The following RARB variants were observed in gnomAD, a reference collection of about 807,000 sequenced individuals.
RARB encodes retinoic acid receptor beta.
Under a neutral mutation model 51.9 loss-of-function variants are expected in RARB, and 17 were observed. That is an observed-to-expected ratio of 0.33 (90% CI 0.22 to 0.49). The LOEUF (loss-of-function observed/expected upper bound fraction) is 0.49, where lower values mean the gene tolerates loss of function less well. Among genes scored for constraint, RARB ranks in the 20% least tolerant of loss-of-function variants. The pLI, the probability that RARB is intolerant of heterozygous loss-of-function variation, is 0.99. For synonymous variants in RARB, 215 were observed against 195.4 expected (o/e 1.10, Z -0.84); for missense variants, 369 against 550.8 (o/e 0.67, Z 3.30).
At chr3:24,927,440 A>G (rs1375795033) in intron 2 of RARB, among the ~76,000 whole-genome samples, 4 of 152,084 alleles carry the variant, frequency 2.6e-5, no homozygotes, top group South Asian at 2.1e-4. Flanking sequence ...CTGCACGGCA[A>G]TGGAATGCAG....
At chr3:25,559,509 T>G (rs778603136) in intron 3 of RARB, among the ~76,000 whole-genome samples, 5 of 152,232 alleles carry the variant, frequency 3.3e-5, no homozygotes, top group African/African-American at 4.8e-5. Flanking sequence ...AGTTATTTCT[T>G]TAGATGACTG....
intron 3 of RARB, among the ~76,000 whole-genome samples, chr3:25,524,353 A>C (rs779434672): frequency 6.6e-6 from 1 of 152,198 alleles, no homozygotes; most frequent in Admixed American, 6.5e-5. Context: ...GTACTTTTAC[A>C]GTCAAGGTCA....
intron 3 of RARB, among the ~76,000 whole-genome samples, chr3:25,541,504 A>G (rs185405569): frequency 6.6e-6 from 1 of 152,310 alleles, no homozygotes; most frequent in African/African-American, 2.4e-5. Flanking sequence ...GAATGAGTCT[A>G]GCTCTGTATG....
chr3:25,591,716 T>C (rs1332980302), intron 5 of RARB, among the ~76,000 whole-genome samples: 1 of 152,204 alleles, frequency 6.6e-6, no homozygotes, highest in Non-Finnish European at 1.5e-5. Flanking sequence ...GAGGGCTTAC[T>C]CATTCAGTTT....
At chr3:25,120,685 T>C (rs1699770415) in intron 3 of RARB, among the ~76,000 whole-genome samples, 1 of 152,094 alleles carries the variant, frequency 6.6e-6, no homozygotes, top group African/African-American at 2.4e-5. Context: ...CTTAATGATA[T>C]CCAGAATTTG....
chr3:25,281,656 G>C (rs768577889), intron 5 of RARB, among the ~76,000 whole-genome samples: 7 of 152,186 alleles, frequency 4.6e-5, no homozygotes, highest in Admixed American at 2.6e-4. Flanking sequence ...TGTAGGCGTT[G>C]GGTGGTTGCC....
At chr3:25,187,738 C>T (rs1475422805) in intron 5 of RARB, among the ~76,000 whole-genome samples, 1 of 151,882 alleles carries the variant, frequency 6.6e-6, no homozygotes. Context: ...TCAGATACAG[C>T]CTTGTTGTGG....
intron 1 of RARB, among the ~76,000 whole-genome samples, chr3:25,446,711 G>A (rs1451826791): frequency 6.8e-6 from 1 of 147,326 alleles, no homozygotes; most frequent in Non-Finnish European, 1.5e-5. Context: ...GCTGAGGCAG[G>A]AGAATAGCGT....
At chr3:25,122,980 A>C (rs566960105) in intron 3 of RARB, among the ~76,000 whole-genome samples, 1 of 152,288 alleles carries the variant, frequency 6.6e-6, no homozygotes, top group South Asian at 2.1e-4. Flanking sequence ...TCGCCACAGC[A>C]CATGTACACA....
At chr3:25,014,895 T>C (rs2125281704) in intron 2 of RARB, among the ~76,000 whole-genome samples, 1 of 152,300 alleles carries the variant, frequency 6.6e-6, no homozygotes, top group South Asian at 2.1e-4. Flanking sequence ...TGGTTATATT[T>C]CCCTAACTTT....
intron 2 of RARB, among the ~76,000 whole-genome samples, chr3:24,913,834 A>G (rs1310230049): frequency 6.6e-6 from 1 of 152,234 alleles, no homozygotes; most frequent in Non-Finnish European, 1.5e-5. Flanking sequence ...GCAACATAAA[A>G]GTGGATATCC....
At chr3:25,444,942 C>A (rs909940081) in intron 1 of RARB, among the ~76,000 whole-genome samples, 2 of 151,828 alleles carry the variant, frequency 1.3e-5, no homozygotes, top group Non-Finnish European at 2.9e-5. Context: ...TGAATGAACA[C>A]CTCTTTTCTT....
At position 25,331,051 on chromosome 3, in the gene RARB, C is replaced by T. The variant is rs935423919; in HGVS notation, c.179-130142C>T. 8.5e-5 allele frequency among the ~76,000 whole-genome samples: 13 copies of T among 152,268 alleles called. No homozygotes were observed. In the South Asian group the frequency reaches 2.7e-3, roughly 32 times the overall value. On this transcript the variant is annotated intron_variant, in intron 5 of 11. Transcript: ENST00000383772. Reference sequence around the variant, plus strand: ...AAGTCCTTAGAGACCTACAAAGAGACTTAGACCCCCACACAACAATAATGG... The same window carrying T: ...AAGTCCTTAGAGACCTACAAAGAGATTTAGACCCCCACACAACAATAATGG...
At chr3:25,342,008 G>GT (rs1256927574) in intron 5 of RARB, among the ~76,000 whole-genome samples, 1 of 152,168 alleles carries the variant, frequency 6.6e-6, no homozygotes, top group Admixed American at 6.5e-5. Context: ...AGAAATGTAT[G>GT]TATCTTGTTC....
chr3:24,916,225 A>G (rs182295678), intron 2 of RARB, among the ~76,000 whole-genome samples: 3 of 152,146 alleles, frequency 2.0e-5, no homozygotes, highest in Admixed American at 2.0e-4. Flanking sequence ...AGGGAAATAT[A>G]TATCATTTCC....
intron 2 of RARB, among the ~76,000 whole-genome samples, chr3:24,919,820 G>A (rs1458268197): frequency 6.6e-6 from 1 of 152,168 alleles, no homozygotes. Context: ...GTCTCTAGCA[G>A]TTTCCTCTTT....
intron 2 of RARB, among the ~76,000 whole-genome samples, chr3:25,011,469 G>C (rs553032005): frequency 6.6e-6 from 1 of 151,982 alleles, no homozygotes; most frequent in African/African-American, 2.4e-5. Context: ...TTTTTCCATC[G>C]AATTATAGCT....
intron 2 of RARB, among the ~76,000 whole-genome samples, chr3:24,962,867 C>A (rs1047672396): frequency 2.0e-5 from 3 of 152,106 alleles, no homozygotes; most frequent in Non-Finnish European, 4.4e-5. Context: ...TCAATTAATC[C>A]TCTTAGCTAC....
intron 2 of RARB, among the ~76,000 whole-genome samples, chr3:25,493,876 C>T (rs1359483864): frequency 6.6e-6 from 1 of 152,162 alleles, no homozygotes; most frequent in Non-Finnish European, 1.5e-5. Flanking sequence ...ATCAATGGCT[C>T]TAAGGCTAAA....
Sources: gnomAD v4.1 joint callset for allele counts (sites outside exome capture counted in the v4.1 genomes callset) on GRCh38, gnomAD v4.1.1 for gene constraint, MANE v1.5 for transcripts, NCBI Gene and HGNC (gene_info 2026-07-23, HGNC 2026-07-21) for gene names.